The following DLG2 variants were observed in gnomAD, a reference collection of about 807,000 sequenced individuals.
The protein encoded by DLG2 is disks large homolog 2.
In DLG2, 45 loss-of-function variants were observed where a neutral mutation model predicts 132.5. The observed-to-expected ratio is 0.34, with a 90% CI of 0.27 to 0.44. DLG2 has a LOEUF of 0.44. Among genes scored for constraint, DLG2 ranks in the 20% least tolerant of loss-of-function variants. DLG2 has a pLI of 1.00. For missense variants in DLG2, 1,045 were observed against 1,196.9 expected, an observed-to-expected ratio of 0.87 and a Z score of 1.87; for synonymous variants, 424 against 419.6, an observed-to-expected ratio of 1.01 and a Z score of -0.13.
At chr11:84,585,562 C>T (rs527832744) in intron 6 of DLG2, among the ~76,000 whole-genome samples, 1 of 152,158 alleles carries the variant, frequency 6.6e-6, no homozygotes, top group Non-Finnish European at 1.5e-5. Flanking sequence ...AAGATTTTTG[C>T]AGGAATTGCA....
intron 3 of DLG2, among the ~76,000 whole-genome samples, chr11:85,417,002 G>A (rs1449829022): frequency 6.6e-6 from 1 of 152,060 alleles, no homozygotes; most frequent in African/African-American, 2.4e-5. Context: ...GGTGAGAGAG[G>A]GCATCCTTGT....
At chr11:84,551,449 G>T (rs1276166247) in intron 6 of DLG2, among the ~76,000 whole-genome samples, 1 of 152,160 alleles carries the variant, frequency 6.6e-6, no homozygotes, top group Non-Finnish European at 1.5e-5. Flanking sequence ...TGCCCTGCTG[G>T]GAACTGACAG....
intron 6 of DLG2, among the ~76,000 whole-genome samples, chr11:84,665,387 C>T (rs1276532398): frequency 1.3e-5 from 2 of 152,134 alleles, no homozygotes; most frequent in Non-Finnish European, 2.9e-5. Flanking sequence ...AGATTTGGAA[C>T]TTAGACTCTG....
At chr11:85,267,848 C>G (rs1021124699) in intron 4 of DLG2, among the ~76,000 whole-genome samples, 1 of 151,602 alleles carries the variant, frequency 6.6e-6, no homozygotes. Context: ...CAGTTTACCC[C>G]ACACAACGAT....
At chr11:85,389,690 T>G (rs1378997478) in intron 3 of DLG2, among the ~76,000 whole-genome samples, 1 of 152,076 alleles carries the variant, frequency 6.6e-6, no homozygotes, top group Non-Finnish European at 1.5e-5. Context: ...CTAGAAGAAA[T>G]TAGGGTCATA....
In DLG2 at chr11:84,094,598, T is replaced by C. The variant is rs775777888; in HGVS notation, c.749+4325A>G. On this transcript the variant is annotated intron_variant, in intron 10 of 27. Transcript: ENST00000376104. ...TGATGTCTAGTGATGGCCCTCTTCC[T>C]GGTTCATAGATAATGCCTTTAGATA... Among the ~76,000 whole-genome samples, 27 of 152,348 alleles carry C rather than the reference T, an allele frequency of 1.8e-4. 1 individual carries two copies. Among genetic ancestry groups the C allele is most frequent in the Admixed American group, 8.5e-4 (13 of 15,306 alleles).
At chr11:84,968,912 G>T (rs1196640128) in intron 6 of DLG2, among the ~76,000 whole-genome samples, 2 of 151,914 alleles carry the variant, frequency 1.3e-5, no homozygotes, top group Non-Finnish European at 2.9e-5. Flanking sequence ...TTAAAAACAC[G>T]TTTTACCCTT....
chr11:84,878,933 G>A (rs1027640994), intron 6 of DLG2, among the ~76,000 whole-genome samples: 6 of 152,154 alleles, frequency 3.9e-5, no homozygotes, highest in African/African-American at 1.4e-4. Context: ...ATTCCTGTTT[G>A]TCTAGAGACT....
intron 6 of DLG2, among the ~76,000 whole-genome samples, chr11:84,813,462 T>C (rs1169131336): frequency 4.6e-5 from 7 of 152,090 alleles, no homozygotes; most frequent in Non-Finnish European, 8.8e-5. Flanking sequence ...AGCACTAACA[T>C]TGAAAGTCAT....
chr11:85,473,164 G>A lies in DLG2; in HGVS notation c.40+125493C>T, dbSNP rs567055393. Among the ~76,000 whole-genome samples the A allele has an allele frequency of 3.3e-5, 5 of 152,334 alleles. 1 individual carries two copies. The South Asian group carries it at 1.0e-3, about 32-fold the overall frequency. On this transcript the variant is annotated intron_variant, in intron 3 of 27. Coordinates refer to ENST00000376104, the MANE Select transcript of DLG2 (RefSeq NM_001142699.3). ...CCTGCAGCAGTAGCCGGCACACCTG[G>A]CTTGCCCTTGGTGGGCCTGAGATCT...
intron 3 of DLG2, among the ~76,000 whole-genome samples, chr11:85,546,549 T>C (rs189740751): frequency 2.5e-4 from 38 of 152,298 alleles, no homozygotes; most frequent in Non-Finnish European, 4.4e-4. Context: ...GATATCCTTG[T>C]AATTTTCTGT....
chr11:85,126,485 T>A (rs1455089206), intron 5 of DLG2, among the ~76,000 whole-genome samples: 4 of 152,210 alleles, frequency 2.6e-5, no homozygotes, highest in African/African-American at 9.7e-5. Context: ...ATTAAATGGT[T>A]AATCCCAGGT....
intron 10 of DLG2, among the ~76,000 whole-genome samples, chr11:84,091,554 C>T (rs2097094238): frequency 6.6e-6 from 1 of 152,166 alleles, no homozygotes; most frequent in East Asian, 1.9e-4. Context: ...GACAGTATTA[C>T]CGGAGACCTG....
At chr11:84,955,681 T>A (rs1340883370) in intron 6 of DLG2, 1 of 152,188 alleles carries the variant, frequency 6.6e-6, no homozygotes, top group East Asian at 1.9e-4. Context: ...ATCCTGTGCT[T>A]TCTCAATAAA....
chr11:83,465,662 G>T (rs1285937340), intron 26 of DLG2, among the ~76,000 whole-genome samples: 1 of 151,996 alleles, frequency 6.6e-6, no homozygotes, highest in Non-Finnish European at 1.5e-5. Flanking sequence ...ATAATAATAG[G>T]TATTATTTAT....
At chr11:84,282,276 C>G (rs1331740987) in intron 7 of DLG2, among the ~76,000 whole-genome samples, 1 of 152,080 alleles carries the variant, frequency 6.6e-6, no homozygotes, top group Non-Finnish European at 1.5e-5. Flanking sequence ...ACTATATGAT[C>G]TCACTTATAT....
chr11:84,328,663 G>A (rs758975940), intron 7 of DLG2, among the ~76,000 whole-genome samples: 1 of 152,022 alleles, frequency 6.6e-6, no homozygotes, highest in Non-Finnish European at 1.5e-5. Flanking sequence ...AAAAGTCTGG[G>A]TTAAAAATAA....
At chr11:84,275,852 A>G in intron 7 of DLG2, among the ~76,000 whole-genome samples, 1 of 152,346 alleles carries the variant, frequency 6.6e-6, no homozygotes, top group African/African-American at 2.4e-5. Flanking sequence ...TCCATGGTGG[A>G]CATTAGGGCA....
chr11:84,303,821 T>C (rs560119462), intron 7 of DLG2, among the ~76,000 whole-genome samples: 5 of 152,222 alleles, frequency 3.3e-5, no homozygotes, highest in Non-Finnish European at 7.3e-5. Flanking sequence ...GTTGAGCTAC[T>C]GTGGGAATAG....
Sources: gnomAD v4.1 joint callset for allele counts (sites outside exome capture counted in the v4.1 genomes callset) on GRCh38, gnomAD v4.1.1 for gene constraint, MANE v1.5 for transcripts, NCBI Gene and HGNC (gene_info 2026-07-23, HGNC 2026-07-21) for gene names.